Variants in SOX6 observed in about 807,000 individuals in gnomAD.
The protein encoded by SOX6 is transcription factor SOX-6.
SOX6 carries 11 observed loss-of-function variants against 97.8 expected under a neutral mutation model. The ratio of observed to expected loss-of-function variants is 0.11; its 90% CI spans 0.07 to 0.19. The LOEUF (loss-of-function observed/expected upper bound fraction) is 0.19. Among genes scored for constraint, SOX6 ranks in the 10% least tolerant of loss-of-function variants. The pLI is 1.00. For missense variants in SOX6, 810 were observed against 1,039.5 expected (o/e 0.78, Z 3.04); for synonymous variants, 360 against 371.4 (o/e 0.97, Z 0.35).
intron 4 of SOX6, among the ~76,000 whole-genome samples, chr11:16,582,052 C>T (rs193182300): frequency 3.8e-4 from 57 of 151,562 alleles, no homozygotes; most frequent in Admixed American, 1.1e-3. Flanking sequence ...ACCAAATTAA[C>T]GCAGGAAAAG....
At chr11:16,241,545 T>A (rs1853194482) in intron 3 of SOX6, among the ~76,000 whole-genome samples, 1 of 152,078 alleles carries the variant, frequency 6.6e-6, no homozygotes, top group Non-Finnish European at 1.5e-5. Flanking sequence ...GATAATAATT[T>A]CTGTATCCAG....
chr11:16,022,968 A>G (rs1304803888), intron 12 of SOX6, among the ~76,000 whole-genome samples: 1 of 152,136 alleles, frequency 6.6e-6, no homozygotes, highest in African/African-American at 2.4e-5. Context: ...AATTTCTTGT[A>G]GCTCCCTGAA....
intron 4 of SOX6, among the ~76,000 whole-genome samples, chr11:16,518,374 C>T (rs1396080553): frequency 6.6e-6 from 1 of 152,162 alleles, no homozygotes; most frequent in African/African-American, 2.4e-5. Context: ...AGTTAACTCT[C>T]CCAATTGGAG....
At chr11:16,035,738 C>T (rs1225112903) in intron 12 of SOX6, among the ~76,000 whole-genome samples, 2 of 152,194 alleles carry the variant, frequency 1.3e-5, no homozygotes, top group Non-Finnish European at 2.9e-5. Flanking sequence ...TTAACCTACA[C>T]TCTGATTAGT....
chr11:16,014,282 G>C (rs910705938), intron 13 of SOX6, among the ~76,000 whole-genome samples: 1 of 152,074 alleles, frequency 6.6e-6, no homozygotes, highest in Non-Finnish European at 1.5e-5. Context: ...ATTGGTGCGG[G>C]TAAACATTCT....
At position 16,292,547 on chromosome 11, in the gene SOX6, T is replaced by C. The variant is rs974952581; in HGVS notation, c.445+25899A>G. On this transcript the variant is annotated intron_variant, in intron 3 of 15. Transcript: ENST00000683767. ...GTGGTCAACTAGACCTTTGTTGGTATCCCCCAAAATGTAATCTCTAAACTG... is the reference window on the plus strand; with the variant it reads ...GTGGTCAACTAGACCTTTGTTGGTACCCCCCAAAATGTAATCTCTAAACTG... Among the ~76,000 whole-genome samples, 3 of 152,026 alleles carry C rather than the reference T, an allele frequency of 2.0e-5. No homozygotes were observed. In the South Asian group the frequency reaches 6.2e-4, roughly 32 times the overall value.
chr11:16,233,764 A>G (rs928210753), intron 4 of SOX6, among the ~76,000 whole-genome samples: 2 of 151,954 alleles, frequency 1.3e-5, no homozygotes, highest in African/African-American at 4.8e-5. Flanking sequence ...AATCCTAGCA[A>G]TTTGGGAGGC....
intron 6 of SOX6, among the ~76,000 whole-genome samples, chr11:16,141,349 C>T (rs1342216577): frequency 6.6e-6 from 1 of 152,146 alleles, no homozygotes; most frequent in Non-Finnish European, 1.5e-5. Flanking sequence ...CTGACTGCTT[C>T]ATCTTTCCCA....
intron 2 of SOX6, among the ~76,000 whole-genome samples, chr11:16,726,315 G>T (rs1209409109): frequency 6.6e-6 from 1 of 152,198 alleles, no homozygotes; most frequent in Non-Finnish European, 1.5e-5. Context: ...TACGCAGGAG[G>T]CTGGGGCACA....
chr11:16,631,640 G>A (rs1848709092), intron 3 of SOX6, among the ~76,000 whole-genome samples: 1 of 151,964 alleles, frequency 6.6e-6, no homozygotes. Context: ...GCAAGATTAG[G>A]GAAATTTTCT....
intron 4 of SOX6, among the ~76,000 whole-genome samples, chr11:16,217,890 G>A (rs533448061): frequency 2.0e-5 from 3 of 151,886 alleles, no homozygotes; most frequent in African/African-American, 4.8e-5. Context: ...ACAGTTACCT[G>A]CCTGTAATTG....
chr11:15,989,642 G>A (rs1853982010), intron 13 of SOX6, among the ~76,000 whole-genome samples: 1 of 152,052 alleles, frequency 6.6e-6, no homozygotes, highest in South Asian at 2.1e-4. Context: ...TCACAATATT[G>A]TCTTGACCTG....
chr11:16,143,020 G>A (rs930811764), intron 6 of SOX6, among the ~76,000 whole-genome samples: 30 of 152,040 alleles, frequency 2.0e-4, no homozygotes, highest in African/African-American at 5.6e-4. Context: ...GATACTCCTC[G>A]AGAAGAGCAA....
intron 2 of SOX6, among the ~76,000 whole-genome samples, chr11:16,332,162 T>C (rs1304731402): frequency 1.3e-5 from 2 of 152,092 alleles, no homozygotes; most frequent in African/African-American, 4.8e-5. Flanking sequence ...ATACCAGGTA[T>C]GAAATAAATT....
intron 6 of SOX6, among the ~76,000 whole-genome samples, chr11:16,148,669 A>T (rs1850378895): frequency 6.6e-6 from 1 of 151,980 alleles, no homozygotes; most frequent in African/African-American, 2.4e-5. Context: ...GGGCCCCTCT[A>T]CTGCTGGCGC....
intron 6 of SOX6, among the ~76,000 whole-genome samples, chr11:16,173,190 C>A (rs910099046): frequency 6.6e-6 from 1 of 151,890 alleles, no homozygotes; most frequent in African/African-American, 2.4e-5. Flanking sequence ...AAGTTGGCAT[C>A]CACACAACTG....
intron 2 of SOX6, among the ~76,000 whole-genome samples, chr11:16,722,885 A>G (rs1224689474): frequency 6.6e-6 from 1 of 152,198 alleles, no homozygotes; most frequent in Non-Finnish European, 1.5e-5. Context: ...GTGGGAGCGT[A>G]AATTAGCTCA....
intron 3 of SOX6, among the ~76,000 whole-genome samples, chr11:16,634,805 T>C (rs553253586): frequency 8.6e-4 from 128 of 148,354 alleles, no homozygotes; most frequent in African/African-American, 3.0e-3. Context: ...ATAATCCCCA[T>C]GTGTCGTGGG....
At chr11:16,537,041 C>A (rs915919186) in intron 4 of SOX6, among the ~76,000 whole-genome samples, 1 of 152,198 alleles carries the variant, frequency 6.6e-6, no homozygotes, top group African/African-American at 2.4e-5. Flanking sequence ...TTGGGAGACA[C>A]CTCCCAGTAG....
Sources: allele counts gnomAD v4.1 joint callset (sites outside exome capture counted in the v4.1 genomes callset), GRCh38; gene constraint gnomAD v4.1.1; transcripts MANE v1.5; gene names NCBI Gene and HGNC (gene_info 2026-07-23, HGNC 2026-07-21).